The following CDKAL1 variants were observed in gnomAD, a reference collection of about 807,000 sequenced individuals.
CDKAL1 encodes threonylcarbamoyladenosine tRNA methylthiotransferase.
A neutral mutation model predicts 68.2 loss-of-function variants in CDKAL1; 32 were observed. The observed-to-expected ratio is 0.47, with a 90% CI of 0.35 to 0.63. CDKAL1 has a LOEUF of 0.63. Ranked by LOEUF, CDKAL1 falls within the 30% of genes least tolerant of loss-of-function variation. The pLI is 0.00. For synonymous variants in CDKAL1, 234 were observed against 244.3 expected, an observed-to-expected ratio of 0.96 and a Z score of 0.39; for missense variants, 606 against 696.7, an observed-to-expected ratio of 0.87 and a Z score of 1.47.
intron 13 of CDKAL1, among the ~76,000 whole-genome samples, chr6:21,190,790 T>C (rs1439986513): frequency 6.6e-6 from 1 of 152,254 alleles, no homozygotes; most frequent in East Asian, 1.9e-4. Context: ...AACAAATGTC[T>C]ATCTTACACA....
intron 13 of CDKAL1, among the ~76,000 whole-genome samples, chr6:21,165,256 C>G (rs1236533609): frequency 6.6e-6 from 1 of 152,212 alleles, no homozygotes; most frequent in African/African-American, 2.4e-5. Context: ...TACTCCACTC[C>G]TGCCATCAGC....
chr6:20,941,812 G>C (rs1370694702), intron 9 of CDKAL1, among the ~76,000 whole-genome samples: 1 of 152,154 alleles, frequency 6.6e-6, no homozygotes, highest in Admixed American at 6.5e-5. Context: ...TTGGTTTATT[G>C]TTTTCGTCAG....
chr6:21,225,610 C>T (rs545472690), intron 15 of CDKAL1, among the ~76,000 whole-genome samples: 3 of 152,306 alleles, frequency 2.0e-5, no homozygotes, highest in Admixed American at 1.3e-4. Context: ...AGATGGCTTT[C>T]CTTCTTCACA....
At chr6:20,998,179 T>TG (rs938033288) in intron 10 of CDKAL1, among the ~76,000 whole-genome samples, 29 of 152,188 alleles carry the variant, frequency 1.9e-4, no homozygotes, top group African/African-American at 2.9e-4. Flanking sequence ...TTCTTAAATT[T>TG]GGGGGGGATT....
intron 4 of CDKAL1, among the ~76,000 whole-genome samples, chr6:20,550,591 A>G (rs1763779316): frequency 6.6e-6 from 1 of 152,082 alleles, no homozygotes. Context: ...CTGGGCAGTC[A>G]ATATGCTTGC....
intron 9 of CDKAL1, among the ~76,000 whole-genome samples, chr6:20,950,750 G>C (rs1407272605): frequency 6.6e-6 from 1 of 152,054 alleles, no homozygotes. Flanking sequence ...CGGATCACCT[G>C]AGGTCAGCAG....
chr6:20,985,118 A>T (rs983054787), intron 10 of CDKAL1, among the ~76,000 whole-genome samples: 2 of 152,122 alleles, frequency 1.3e-5, no homozygotes, highest in African/African-American at 4.8e-5. Flanking sequence ...ACTTGTAATT[A>T]TACATATTTA....
intron 10 of CDKAL1, among the ~76,000 whole-genome samples, chr6:20,980,798 A>G (rs56363432): frequency 0.093 from 14,125 of 152,136 alleles, 1,099 homozygotes; most frequent in African/African-American, 0.22. Context: ...TTCACCACAG[A>G]CAATCCAGGT....
chr6:21,047,564 A>C (rs889454604), intron 11 of CDKAL1, among the ~76,000 whole-genome samples: 5 of 152,148 alleles, frequency 3.3e-5, no homozygotes, highest in African/African-American at 1.2e-4. Flanking sequence ...TTTCACCTTT[A>C]AGTCAGTGGG....
chr6:20,682,733 C>G (rs1770438305), intron 5 of CDKAL1, among the ~76,000 whole-genome samples: 1 of 152,170 alleles, frequency 6.6e-6, no homozygotes, highest in South Asian at 2.1e-4. Context: ...ACTTGAATTC[C>G]TTTAAAGCAT....
chr6:20,609,376 T>TCTC (rs763139063), intron 4 of CDKAL1, among the ~76,000 whole-genome samples: 37 of 53,540 alleles, frequency 6.9e-4, no homozygotes, highest in East Asian at 4.8e-3. Context: ...TCCTTCTCCT[T>TCTC]CTTCTTCTTC....
At chr6:20,689,116 C>CTT (rs1289381742) in intron 5 of CDKAL1, among the ~76,000 whole-genome samples, 1 of 152,190 alleles carries the variant, frequency 6.6e-6, no homozygotes, top group African/African-American at 2.4e-5. Flanking sequence ...TGAGAGCAGA[C>CTT]TTTAAGAACA....
chr6:20,691,562 G>T (rs1372906900), intron 5 of CDKAL1, among the ~76,000 whole-genome samples: 1 of 151,956 alleles, frequency 6.6e-6, no homozygotes, highest in Non-Finnish European at 1.5e-5. Flanking sequence ...CTCCATGCTG[G>T]CTGTTTCATC....
intron 7 of CDKAL1, among the ~76,000 whole-genome samples, chr6:20,778,019 A>G (rs1029949242): frequency 2.0e-5 from 3 of 152,230 alleles, no homozygotes; most frequent in African/African-American, 7.2e-5. Context: ...ATAACTGTAT[A>G]TGTTAATATG....
chr6:21,096,498 G>T (rs777459865), intron 12 of CDKAL1, among the ~76,000 whole-genome samples: 2 of 152,150 alleles, frequency 1.3e-5, no homozygotes, highest in African/African-American at 2.4e-5. Flanking sequence ...AATACTTAAT[G>T]ACAATGTAGA....
intron 9 of CDKAL1, among the ~76,000 whole-genome samples, chr6:20,891,536 A>ATTTTTT (rs5874791): frequency 7.8e-6 from 1 of 127,506 alleles, no homozygotes; most frequent in Non-Finnish European, 1.7e-5. Context: ...TTTTTTCTGT[A>ATTTTTT]TTTTTTTTTT....
intron 5 of CDKAL1, among the ~76,000 whole-genome samples, chr6:20,713,206 A>T (rs1771931163): frequency 1.3e-5 from 2 of 152,210 alleles, no homozygotes; most frequent in African/African-American, 4.8e-5. Context: ...CCATATCTTT[A>T]CTTGCATCCT....
chr6:20,561,474 A>G (rs1214646291), intron 4 of CDKAL1, among the ~76,000 whole-genome samples: 1 of 148,102 alleles, frequency 6.8e-6, no homozygotes, highest in East Asian at 2.0e-4. Context: ...AAAAAAAAGA[A>G]CAGACTGTAG....
chr6:21,090,863 G>A (rs1192475564), intron 12 of CDKAL1, among the ~76,000 whole-genome samples: 2 of 149,176 alleles, frequency 1.3e-5, no homozygotes, highest in Non-Finnish European at 3.0e-5. Context: ...GAATGCAGTG[G>A]TGCAAAATAA....
Sources: gnomAD v4.1 joint callset for allele counts (sites outside exome capture counted in the v4.1 genomes callset) on GRCh38, gnomAD v4.1.1 for gene constraint, MANE v1.5 for transcripts, NCBI Gene and HGNC (gene_info 2026-07-23, HGNC 2026-07-21) for gene names.